TARS3: variants seen among roughly 807,000 people sequenced by gnomAD.
TARS3 encodes the protein threonyl-tRNA synthetase 3.
Under a neutral mutation model 103.5 loss-of-function variants are expected in TARS3, and 94 were observed. That is an observed-to-expected ratio of 0.91 (90% CI 0.77 to 1.08). The LOEUF is 1.08. TARS3 is among the 50% of genes least tolerant of loss of function. The pLI, the probability that TARS3 is intolerant of heterozygous loss-of-function variation, is 0.00. For missense variants in TARS3, 952 were observed against 995.2 expected, an observed-to-expected ratio of 0.96 and a Z score of 0.58; for synonymous variants, 416 against 355.4, an observed-to-expected ratio of 1.17 and a Z score of -1.92.
chr15:101,724,030 G>C (rs866116773), intron 1 of TARS3, 61 bp downstream of exon 1: 3 of 1,312,920 alleles, frequency 2.3e-6, no homozygotes. Context: ...AAACCTTTCG[G>C]TGCGCACCGT....
intron 10 of TARS3, among the ~76,000 whole-genome samples, chr15:101,696,653 C>T (rs777112810): frequency 5.3e-5 from 8 of 152,180 alleles, no homozygotes; most frequent in Non-Finnish European, 1.2e-4. Flanking sequence ...ACTGAACAGA[C>T]ACCCTCTTGG....
intron 13 of TARS3, among the ~76,000 whole-genome samples, chr15:101,675,226 C>G (rs1303750314): frequency 6.6e-6 from 1 of 152,112 alleles, no homozygotes; most frequent in African/African-American, 2.4e-5. Context: ...TACATCTAGA[C>G]CATGCAGCCC....
At chr15:101,701,686 C>T (rs150252602) in intron 9 of TARS3, among the ~76,000 whole-genome samples, 44 of 152,318 alleles carry the variant, frequency 2.9e-4, no homozygotes, top group Non-Finnish European at 5.7e-4. Context: ...AAGCTCAGGC[C>T]GAGCTGCTTT....
chr15:101,723,140 T>C lies in TARS3; in HGVS notation c.322A>G (p.Lys108Glu). The C allele has an allele frequency of 6.2e-7, 1 of 1,614,172 alleles. No homozygotes were observed. ...TTCATTTTCTTCTTTTTCATGTCCTTGTCTTGGCTTTGACTAGGAGGAGGC... is the reference window on the plus strand; with the variant it reads ...TTCATTTTCTTCTTTTTCATGTCCTCGTCTTGGCTTTGACTAGGAGGAGGC... ...AQPPPSQSQD[K>E]DMKKKKMKES... The change falls in exon 2 of 19, where the codon AAG becomes GAG. Residue 108 changes from lysine to glutamate, a missense_variant. Coordinates refer to ENST00000335968, the MANE Select transcript of TARS3 (RefSeq NM_152334.3).
intron 10 of TARS3, among the ~76,000 whole-genome samples, chr15:101,691,249 A>G (rs1172793993): frequency 1.4e-5 from 2 of 146,286 alleles, no homozygotes; most frequent in Non-Finnish European, 3.0e-5. Context: ...AATGGGTATC[A>G]GTCTTAGAAC....
At chr15:101,696,905 TG>T (rs1463095296) in intron 10 of TARS3, among the ~76,000 whole-genome samples, 6 of 152,204 alleles carry the variant, frequency 3.9e-5, no homozygotes, top group African/African-American at 1.2e-4. Context: ...AGGCTGCACA[TG>T]GGATGCCTCC....
At chr15:101,666,919 T>C (rs952107479) in intron 15 of TARS3, among the ~76,000 whole-genome samples, 7 of 152,346 alleles carry the variant, frequency 4.6e-5, no homozygotes, top group African/African-American at 1.7e-4. Flanking sequence ...TGTTAATGTA[T>C]ATGGCATGTA....
intron 17 of TARS3, 140 bp from the exon 18 acceptor site, chr15:101,657,176 A>G: frequency 1.8e-6 from 1 of 570,432 alleles, no homozygotes; most frequent in Non-Finnish European, 3.1e-6. Context: ...GTGACCATAA[A>G]GAAGTGCGGA....
chr15:101,674,696 C>G (rs1897950442), intron 13 of TARS3, among the ~76,000 whole-genome samples: 1 of 151,832 alleles, frequency 6.6e-6, no homozygotes, highest in Non-Finnish European at 1.5e-5. Flanking sequence ...GTCCCAGCTA[C>G]TCGGGACGCT....
chr15:101,713,074 T>C (rs1457327084), intron 4 of TARS3, among the ~76,000 whole-genome samples: 5 of 152,142 alleles, frequency 3.3e-5, no homozygotes, highest in African/African-American at 4.8e-5. Flanking sequence ...GGGTATACAA[T>C]AGTGAAAGAA....
intron 10 of TARS3, among the ~76,000 whole-genome samples, chr15:101,690,602 T>C (rs1251864707): frequency 1.3e-5 from 2 of 152,240 alleles, no homozygotes; most frequent in Non-Finnish European, 2.9e-5. Flanking sequence ...AATGGTGAGG[T>C]ATACTGAACC....
At chr15:101,715,356 C>T (rs1388061092) in intron 3 of TARS3, among the ~76,000 whole-genome samples, 1 of 151,918 alleles carries the variant, frequency 6.6e-6, no homozygotes, top group South Asian at 2.1e-4. Context: ...CCGTTTTAGC[C>T]GGGATGGTCT....
At chr15:101,674,001 T>C (rs1172774111) in intron 13 of TARS3, among the ~76,000 whole-genome samples, 1 of 152,220 alleles carries the variant, frequency 6.6e-6, no homozygotes, top group East Asian at 1.9e-4. Flanking sequence ...CGCAGTCGAC[T>C]GCAGTCTGAA....
chr15:101,715,637 C>T (rs1469418080), intron 3 of TARS3, among the ~76,000 whole-genome samples: 2 of 152,222 alleles, frequency 1.3e-5, no homozygotes, highest in African/African-American at 2.4e-5. Flanking sequence ...AATTGTATAG[C>T]TTGCATTTTC....
At chr15:101,666,474 C>CAAA (rs11450994) in intron 15 of TARS3, among the ~76,000 whole-genome samples, 156 of 44,780 alleles carry the variant, frequency 3.5e-3, no homozygotes, top group Non-Finnish European at 4.5e-3. Context: ...AGACTCATCT[C>CAAA]AAAAAAAAAA....
intron 4 of TARS3, among the ~76,000 whole-genome samples, chr15:101,714,388 G>A (rs1330672211): frequency 6.6e-6 from 1 of 151,898 alleles, no homozygotes; most frequent in African/African-American, 2.4e-5. Flanking sequence ...CATACTGCTC[G>A]AGCCCAGGAG....
intron 16 of TARS3, among the ~76,000 whole-genome samples, chr15:101,658,311 CAAA>C (rs36121104): frequency 4.3e-5 from 3 of 70,158 alleles, no homozygotes; most frequent in African/African-American, 1.3e-4. Flanking sequence ...ACACCATCAG[CAAA>C]AAAAAAAAAA....
chr15:101,696,104 TG>T (rs1898962832), intron 10 of TARS3: 1 of 146,414 alleles, frequency 6.8e-6, no homozygotes, highest in Non-Finnish European at 1.5e-5. Flanking sequence ...CCCAGCTACT[TG>T]GGAGGCTGAG....
chr15:101,677,508 T>C, intron 12 of TARS3, among the ~76,000 whole-genome samples: 1 of 151,586 alleles, frequency 6.6e-6, no homozygotes, highest in East Asian at 1.9e-4. Flanking sequence ...CAGCTTTTTT[T>C]TTTTTTTGAG....
Sources: gnomAD v4.1 joint callset for allele counts (sites outside exome capture counted in the v4.1 genomes callset) on GRCh38, gnomAD v4.1.1 for gene constraint, MANE v1.5 for transcripts, NCBI Gene and HGNC (gene_info 2026-07-23, HGNC 2026-07-21) for gene names.